GET3: variants seen among roughly 807,000 people sequenced by gnomAD.
GET3 encodes the protein guided entry of tail-anchored proteins factor 3, ATPase.
A neutral mutation model predicts 32.4 loss-of-function variants in GET3; 15 were observed. The observed-to-expected ratio is 0.46, with a 90% CI of 0.31 to 0.71. The LOEUF is 0.71. Ranked by LOEUF, GET3 falls within the 30% of genes least tolerant of loss-of-function variation. The pLI is 0.05. For synonymous variants in GET3, 198 were observed against 185.6 expected (o/e 1.07, Z -0.54); for missense variants, 333 against 459.0 (o/e 0.73, Z 2.51).
chr19:12,747,089 C>T lies in GET3; in HGVS notation c.610-108C>T. 2 of 819,532 alleles carry T rather than the reference C, an allele frequency of 2.4e-6. No homozygotes were observed. Among genetic ancestry groups the T allele is most frequent in the Non-Finnish European group, 3.9e-6 (2 of 515,570 alleles). 50.8% of individuals were successfully genotyped at this position (819,532 alleles called of 1,614,324 possible). ...CAGGAATCTGCTTATGGGCCTGAGC[C>T]TTTAACCACTGGGAGGTATCAGGAG... is the stretch of plus-strand genomic sequence containing the variant. On this transcript the variant is annotated intron_variant, in intron 4 of 6. Coordinates refer to ENST00000357332, the MANE Select transcript of GET3 (RefSeq NM_004317.4). This position sits in a 1 kb window ranked among gnomAD's most constrained non-coding sequence, Gnocchi z 4.0.
At position 12,747,852 on chromosome 19, in the gene GET3, T is replaced by C; in HGVS notation, c.916-121T>C. The C allele has an allele frequency of 8.9e-7, 1 of 1,129,202 alleles. No individual in the cohort carries two copies. The highest frequency in any genetic ancestry group is 1.6e-5 in the African/African-American group (1 of 64,428). 69.9% of individuals were successfully genotyped at this position (1,129,202 alleles called of 1,614,324 possible). ...TCCCACTTATGACACCTTAAGCTCC[T>C]GCCCTATATTCTCTCCCTGACTCTG... On this transcript the variant is annotated intron_variant, in intron 6 of 6. Coordinates refer to ENST00000357332, the MANE Select transcript of GET3 (RefSeq NM_004317.4). The surrounding 1 kb of genome is among the most constrained non-coding windows in gnomAD (Gnocchi z 4.0).
intron 2 of GET3, among the ~76,000 whole-genome samples, chr19:12,741,209 CA>C (rs1030818133): frequency 2.0e-5 from 3 of 152,076 alleles, no homozygotes; most frequent in Admixed American, 6.6e-5. Context: ...GTAATCCCAG[CA>C]CTCTGGGAGG....
chr19:12,745,715 C>G lies in GET3; in HGVS notation c.565C>G (p.Arg189Gly). The G allele has an allele frequency of 6.2e-7, 1 of 1,612,572 alleles. No individual in the cohort carries two copies. The highest frequency in any genetic ancestry group is 8.5e-7 in the Non-Finnish European group (1 of 1,179,884). The change falls in exon 4 of 7, where the codon CGG becomes GGG. Residue 189 changes from arginine to glycine, a missense_variant. By Grantham distance (125) the Arg-to-Gly change is moderately radical. This residue lies in a region of GET3 where 230 missense variants were observed against 389.2 expected (regional missense o/e 0.59). Transcript: ENST00000357332. This position sits in a 1 kb window ranked among gnomAD's most constrained non-coding sequence, Gnocchi z 5.0. ...FPTIVERGLG[R>G]LMQIKNQISP... ...CACCATCGTGGAGCGGGGCCTGGGCCGGCTTATGCAGATCAAGAACCAGAT... is the reference window on the plus strand; with the variant it reads ...CACCATCGTGGAGCGGGGCCTGGGCGGGCTTATGCAGATCAAGAACCAGAT...
In GET3 at chr19:12,748,244, C is replaced by T. The variant is rs1568350638; in HGVS notation, c.*140C>T. The stretch of plus-strand genomic sequence containing the variant: ...AGGAGGCAGGGAGGGGTCCATTCCC[C>T]CTGGTGGGGCTGGTGGGGAGCTGTA... On this transcript the variant is annotated 3_prime_UTR_variant, in exon 7 of 7. Transcript: ENST00000357332. The T allele has an allele frequency of 2.5e-6, 2 of 789,132 alleles. No homozygotes were observed. Among genetic ancestry groups the T allele is most frequent in the Non-Finnish European group, 3.7e-6 (2 of 536,654 alleles). 48.9% of individuals were successfully genotyped at this position (789,132 alleles called of 1,614,324 possible). A position where few individuals can be genotyped will look rare whatever the true frequency, so the allele number is the denominator to read the frequency against.
At chr19:12,737,124 G>C (rs568965465), upstream of GET3, 1 of 163,600 alleles carries the variant, frequency 6.1e-6, no homozygotes, top group Admixed American at 6.4e-5. Flanking sequence ...TTCACCGAAA[G>C]GGCATGGACT....
At position 12,745,415 on chromosome 19, in the gene GET3, C is replaced by T. The variant is rs567513195; in HGVS notation, c.348C>T (p.Asp116=). 4.4e-4 allele frequency: 716 copies of T among 1,612,420 alleles called. 15 individuals are homozygous for T. The South Asian group carries it at 7.6e-3, about 17-fold the overall frequency. ...DPSLGVAELP[D]EFFEEDNMLS... is the part of the protein sequence containing the mutation. ...GCCTGGGCGTGGCGGAGCTGCCTGA[C>T]GAGTTCTTCGAGGAGGACAACATGC... Residue 116 remains aspartate, a synonymous_variant, in exon 3 of 7, where the codon GAC becomes GAT. Coordinates refer to ENST00000357332, the MANE Select transcript of GET3 (RefSeq NM_004317.4). The surrounding 1 kb of genome is among the most constrained non-coding windows in gnomAD (Gnocchi z 5.0).
Position 12,747,933 on chromosome 19 carries a change from C to T in GET3, c.916-40C>T. ...TCCACACTCTGTCTCTGCCTTCCTG[C>T]CCCCTGACCACTGCCTTCTACCCTC... On this transcript the variant is annotated intron_variant, in intron 6 of 6. Coordinates refer to ENST00000357332, the MANE Select transcript of GET3 (RefSeq NM_004317.4). The surrounding 1 kb of genome is among the most constrained non-coding windows in gnomAD (Gnocchi z 4.0). The T allele has an allele frequency of 1.3e-6, 2 of 1,540,820 alleles. No homozygotes were observed. Among genetic ancestry groups the T allele is most frequent in the East Asian group, 2.3e-5 (1 of 44,060 alleles).
Position 12,747,786 on chromosome 19 carries a change from A to T in GET3, c.916-187A>T, listed in dbSNP as rs1967802351. ...CTAGGTCCCTGTGACCCTGGAGAGC[A>T]GGGGGTCTAGCCCAGTGATCTCTGA... On this transcript the variant is annotated intron_variant, in intron 6 of 6. Transcript: ENST00000357332. This position sits in a 1 kb window ranked among gnomAD's most constrained non-coding sequence, Gnocchi z 4.0. Among the ~76,000 whole-genome samples, 1 of 152,180 alleles carries T rather than the reference A, an allele frequency of 6.6e-6. No homozygotes were observed. Among genetic ancestry groups the T allele is most frequent in the Admixed American group, 6.5e-5 (1 of 15,274 alleles).
intron 2 of GET3, among the ~76,000 whole-genome samples, chr19:12,739,055 CAG>C (rs1185650128): frequency 6.6e-6 from 1 of 151,540 alleles, no homozygotes; most frequent in Non-Finnish European, 1.5e-5. Context: ...AATTGTCAGT[CAG>C]GGTAGAAGCA....
chr19:12,737,408 A>G, upstream of GET3: 3 of 1,348,636 alleles, frequency 2.2e-6, no homozygotes. Flanking sequence ...TGAGGAAATT[A>G]ACTCATGCTC....
In GET3 at chr19:12,748,026, T is replaced by C. The variant is rs1177387981; in HGVS notation, c.969T>C (p.His323=). ...TCGTGAAGCTGCCGCTGTTACCCCA[T>C]GAGGTGCGGGGGGCAGACAAGGTCA... The part of the protein sequence containing the change: ...FHIVKLPLLP[H]EVRGADKVNT... The change falls in exon 7 of 7, where the codon CAT becomes CAC. Residue 323 remains histidine, a synonymous_variant. Transcript: ENST00000357332. The C allele has an allele frequency of 1.2e-6, 2 of 1,612,116 alleles. No homozygotes were observed. Among genetic ancestry groups the C allele is most frequent in the South Asian group, 2.2e-5 (2 of 90,902 alleles).
intron 2 of GET3, among the ~76,000 whole-genome samples, chr19:12,741,065 T>C (rs1967658857): frequency 6.6e-6 from 1 of 152,206 alleles, no homozygotes; most frequent in Admixed American, 6.5e-5. Flanking sequence ...GGCTCATGCC[T>C]GTAATCCCAG....
rs995355964 is a variant in GET3 at position 12,737,766 on chromosome 19, G to T, written c.161+100G>T. 4 of 1,431,538 alleles carry T rather than the reference G, an allele frequency of 2.8e-6. No homozygotes were observed. The Admixed American group carries it at 1.2e-4, about 43-fold the overall frequency. 88.7% of individuals were successfully genotyped at this position (1,431,538 alleles called of 1,614,324 possible). Reference sequence around the variant, plus strand: ...TTTCCACCACGACCGGGGCATGGGGGCTGGCGGGGGTCTTTGGGTTTCACT... The same window carrying T: ...TTTCCACCACGACCGGGGCATGGGGTCTGGCGGGGGTCTTTGGGTTTCACT... On this transcript the variant is annotated intron_variant, in intron 1 of 6. Transcript: ENST00000357332.
At chr19:12,737,741 T>C in intron 1 of GET3, 75 bp downstream of exon 1, 3 of 1,500,336 alleles carry the variant, frequency 2.0e-6, no homozygotes, top group Non-Finnish European at 1.8e-6. Flanking sequence ...AGGACCGGCT[T>C]TTCCACCACG....
chr19:12,746,580 C>T (rs1967775567), intron 4 of GET3, among the ~76,000 whole-genome samples: 1 of 152,234 alleles, frequency 6.6e-6, no homozygotes, highest in South Asian at 2.1e-4. Flanking sequence ...TGAGCACTTA[C>T]TGTGTGCCAG....
In GET3 at chr19:12,738,544, T is replaced by G; in HGVS notation, c.195T>G (p.Arg65=). The change falls in exon 2 of 7, where the codon CGT becomes CGG. Residue 65 remains arginine (R), a synonymous_variant. Transcript: ENST00000357332. Reference sequence around the variant, plus strand: ...TGGCAGTCCAGCTCTCCAAGGGGCGTGAGAGTGTTCTGATCATCTCCACAG... The same window carrying G: ...TGGCAGTCCAGCTCTCCAAGGGGCGGGAGAGTGTTCTGATCATCTCCACAG... ...CSLAVQLSKG[R]ESVLIISTDP... is the part of the protein sequence containing the mutation. 6.2e-7 allele frequency: 1 copy of G among 1,614,140 alleles called. No individual in the cohort carries two copies. The highest frequency in any genetic ancestry group is 1.1e-5 in the South Asian group (1 of 91,082).
intron 1 of GET3, among the ~76,000 whole-genome samples, chr19:12,738,246 C>T (rs1319760193): frequency 1.3e-5 from 2 of 152,058 alleles, no homozygotes; most frequent in East Asian, 3.8e-4. Flanking sequence ...GCCACTGTGC[C>T]CAGCAAAAAA....
chr19:12,747,078 TG>T lies in GET3; in HGVS notation c.610-116del. The T allele has an allele frequency of 1.4e-6, 1 of 695,726 alleles. No individual in the cohort carries two copies. Among genetic ancestry groups the T allele is most frequent in the Non-Finnish European group, 2.4e-6 (1 of 419,646 alleles). The allele number at this position is 695,726 out of a possible 1,614,324, so 43.1% of individuals were successfully genotyped here. ...TTGACCAACCCCAGGAATCTGCTTA[TG>T]GGCCTGAGCCTTTAACCACTGGGAG... On this transcript the variant is annotated intron_variant, in intron 4 of 6. Coordinates refer to ENST00000357332, the MANE Select transcript of GET3 (RefSeq NM_004317.4). The surrounding 1 kb of genome is among the most constrained non-coding windows in gnomAD (Gnocchi z 4.0).
At chr19:12,739,115 A>G (rs998707438) in intron 2 of GET3, among the ~76,000 whole-genome samples, 4 of 152,010 alleles carry the variant, frequency 2.6e-5, no homozygotes, top group Non-Finnish European at 5.9e-5. Flanking sequence ...AGAGATGACA[A>G]CATCCTGGAC....
Sources: allele counts gnomAD v4.1 joint callset (sites outside exome capture counted in the v4.1 genomes callset), GRCh38; gene constraint gnomAD v4.1.1; regional missense constraint gnomAD v4.1.1; non-coding constraint Gnocchi (gnomAD v3.1); transcripts MANE v1.5; gene names NCBI Gene and HGNC (gene_info 2026-07-23, HGNC 2026-07-21).